SYTL5: variants seen among roughly 807,000 people sequenced by gnomAD.
The protein encoded by SYTL5 is synaptotagmin like 5.
SYTL5 carries 34 observed loss-of-function variants against 55.9 expected under a neutral mutation model. The observed-to-expected ratio is 0.61, with a 90% CI of 0.46 to 0.81. SYTL5 has a LOEUF of 0.81. SYTL5 is among the 30% of genes least tolerant of loss of function. The pLI, the probability that SYTL5 is intolerant of heterozygous loss-of-function variation, is 0.00. For synonymous variants in SYTL5, 221 were observed against 188.7 expected, an observed-to-expected ratio of 1.17 and a Z score of -1.40; for missense variants, 637 against 546.7, an observed-to-expected ratio of 1.17 and a Z score of -1.65.
At chrX:37,989,007 G>A in the SYTL5 span, among the ~76,000 whole-genome samples, 10 of 111,857 alleles carry the variant, frequency 8.9e-5, no homozygotes, top group Non-Finnish European at 1.7e-4. Flanking sequence ...AGAATTCAAT[G>A]ATATGAGAAA....
the SYTL5 span, among the ~76,000 whole-genome samples, chrX:37,968,322 C>T: frequency 2.7e-5 from 3 of 111,611 alleles, no homozygotes; most frequent in Non-Finnish European, 5.7e-5. Context: ...CTTGTTTAAA[C>T]ATCTTACACC....
chrX:38,000,937 G>A, the SYTL5 span, among the ~76,000 whole-genome samples: 1 of 111,721 alleles, frequency 9.0e-6, no homozygotes, highest in East Asian at 2.8e-4. Flanking sequence ...CTGTCGGTGC[G>A]CTCTGCCAGC....
At chrX:37,943,628 C>T in the SYTL5 span, among the ~76,000 whole-genome samples, 2 of 111,366 alleles carry the variant, frequency 1.8e-5, no homozygotes, top group Non-Finnish European at 3.8e-5. Flanking sequence ...TTTCAGTAAA[C>T]TAACTTAGCC....
chrX:38,014,644 G>A (rs1455887206), intron 1 of SYTL5, among the ~76,000 whole-genome samples: 1 of 111,738 alleles, frequency 8.9e-6, no homozygotes. Flanking sequence ...GATGAACATT[G>A]GTTCAGTCAA....
chrX:38,013,556 G>A (rs1934254185), intron 1 of SYTL5, among the ~76,000 whole-genome samples: 1 of 111,845 alleles, frequency 8.9e-6, no homozygotes, highest in African/African-American at 3.3e-5. Flanking sequence ...AAGGCATACA[G>A]AGGTTCAGTC....
intron 1 of SYTL5, among the ~76,000 whole-genome samples, chrX:38,019,765 A>G (rs1934481858): frequency 9.0e-6 from 1 of 110,995 alleles, no homozygotes; most frequent in Non-Finnish European, 1.9e-5. Context: ...CCTCCCAAGT[A>G]GCTGGGACTA....
the SYTL5 span, among the ~76,000 whole-genome samples, chrX:37,892,661 C>CATATATTAGTATATATGT: frequency 8.0e-5 from 7 of 87,048 alleles, no homozygotes; most frequent in Non-Finnish European, 1.3e-4. Flanking sequence ...AGTATATATA[C>CATATATTAGTATATATGT]ATATATTAGT....
At position 38,120,726 on chromosome X, in the gene SYTL5, T is replaced by C. The variant is rs965070102; in HGVS notation, c.1705+260T>C. Among the ~76,000 whole-genome samples the C allele has an allele frequency of 9.1e-5, 10 of 109,935 alleles. No homozygotes were observed. The South Asian group carries it at 4.0e-3, about 44-fold the overall frequency. On this transcript the variant is annotated intron_variant, in intron 14 of 16. Coordinates refer to ENST00000297875, the MANE Select transcript of SYTL5 (RefSeq NM_138780.3). ...TCAGTTTTGTTTTATGTCCCAAAGA[T>C]ATAGGATCTTCCCCCAGGGTTGGGG...
intron 2 of SYTL5, among the ~76,000 whole-genome samples, chrX:38,040,878 C>T (rs1287151200): frequency 9.0e-6 from 1 of 111,608 alleles, no homozygotes; most frequent in African/African-American, 3.3e-5. Context: ...TTTGTAGTTT[C>T]TTGAGGAACT....
the SYTL5 span, among the ~76,000 whole-genome samples, chrX:37,942,108 T>C: frequency 2.0e-3 from 225 of 112,375 alleles, no homozygotes; most frequent in African/African-American, 6.8e-3. Context: ...CTACAAATAA[T>C]ATTTATAATA....
chrX:38,054,157 G>T lies in SYTL5; in HGVS notation c.120-56G>T. 6 of 897,615 alleles carry T rather than the reference G, an allele frequency of 6.7e-6. No homozygotes were observed. The South Asian group carries it at 8.8e-5, about 13-fold the overall frequency. 74.0% of individuals were successfully genotyped at this position (897,615 alleles called of 1,213,427 possible). A position where few individuals can be genotyped will look rare whatever the true frequency, so the allele number is the denominator to read the frequency against. On this transcript the variant is annotated intron_variant, in intron 2 of 16. Transcript: ENST00000297875. The stretch of plus-strand genomic sequence containing the variant: ...TTTAGACATTGTTTTAGACATTGTA[G>T]ATATCTCTGCTCCTGTTTGTTTTTT...
the SYTL5 span, among the ~76,000 whole-genome samples, chrX:37,895,396 G>A: frequency 9.5e-6 from 1 of 105,489 alleles, no homozygotes; most frequent in Non-Finnish European, 1.9e-5. Context: ...GTAAGTGTTC[G>A]ATTAGTTTTT....
the SYTL5 span, among the ~76,000 whole-genome samples, chrX:37,994,064 G>A: frequency 2.7e-5 from 3 of 111,821 alleles, no homozygotes; most frequent in Non-Finnish European, 5.6e-5. Flanking sequence ...TCAAAAAGAA[G>A]CTCCGGTTAC....
the SYTL5 span, among the ~76,000 whole-genome samples, chrX:37,930,957 T>C: frequency 4.5e-5 from 5 of 111,994 alleles, no homozygotes; most frequent in East Asian, 1.1e-3. Flanking sequence ...AACATCACAT[T>C]TTCCAAAATA....
chrX:38,068,484 CACAGCT>C (rs1936163838), intron 3 of SYTL5, among the ~76,000 whole-genome samples: 1 of 112,137 alleles, frequency 8.9e-6, no homozygotes, highest in Admixed American at 9.5e-5. Flanking sequence ...CTTATATATT[CACAGCT>C]ACACTATTCA....
the SYTL5 span, among the ~76,000 whole-genome samples, chrX:37,943,116 G>C: frequency 8.9e-6 from 1 of 112,143 alleles, no homozygotes; most frequent in Non-Finnish European, 1.9e-5. Context: ...CCCCTAGAGA[G>C]GATGAAGTGA....
At chrX:37,978,387 AGTTTTCAACAT>A in the SYTL5 span, among the ~76,000 whole-genome samples, 2 of 111,716 alleles carry the variant, frequency 1.8e-5, no homozygotes, top group Non-Finnish European at 3.8e-5. Flanking sequence ...TTATTATTTC[AGTTTTCAACAT>A]GTGATTGAAA....
At chrX:38,117,804 C>T (rs1207088374) in intron 13 of SYTL5, among the ~76,000 whole-genome samples, 9 of 112,022 alleles carry the variant, frequency 8.0e-5, no homozygotes. Context: ...TGGCTTTAGC[C>T]TCTCTTAGTA....
chrX:37,983,787 G>GT, the SYTL5 span, among the ~76,000 whole-genome samples: 1 of 111,330 alleles, frequency 9.0e-6, no homozygotes, highest in Non-Finnish European at 1.9e-5. Flanking sequence ...AATGTCCACT[G>GT]TTTTTTCTTT....
Sources: allele counts gnomAD v4.1 joint callset (sites outside exome capture counted in the v4.1 genomes callset), GRCh38; gene constraint gnomAD v4.1.1; transcripts MANE v1.5; gene names NCBI Gene and HGNC (gene_info 2026-07-23, HGNC 2026-07-21).